CTDP1: variants seen among roughly 807,000 people sequenced by gnomAD.
The protein encoded by CTDP1 is CTD phosphatase 1.
CTDP1 carries 47 observed loss-of-function variants against 91.8 expected under a neutral mutation model. The ratio of observed to expected loss-of-function variants is 0.51; its 90% CI spans 0.41 to 0.65. The LOEUF is 0.65. Ranked by LOEUF, CTDP1 falls within the 30% of genes least tolerant of loss-of-function variation. The pLI is 0.00. For synonymous variants in CTDP1, 656 were observed against 598.5 expected (o/e 1.10, Z -1.40); for missense variants, 1,272 against 1,373.7 (o/e 0.93, Z 1.17).
chr18:79,748,836 C>CCTTT (rs1320762771), intron 12 of CTDP1, among the ~76,000 whole-genome samples: 1 of 151,766 alleles, frequency 6.6e-6, no homozygotes, highest in Non-Finnish European at 1.5e-5. Context: ...GGAGCCGTGA[C>CCTTT]TGCACATGAG....
chr18:79,693,494 CAG>C (rs1446125322), intron 1 of CTDP1, among the ~76,000 whole-genome samples: 1 of 152,146 alleles, frequency 6.6e-6, no homozygotes, highest in Non-Finnish European at 1.5e-5. Context: ...TGCTTGGAAA[CAG>C]AAGTGTTTTG....
At position 79,717,653 on chromosome 18, in the gene CTDP1, G is replaced by A. The variant is rs1420531995; in HGVS notation, c.2187G>A (p.Arg729=). ...DKVEEQLFPL[R]DDHTKAQREN... ...TGGAGGAGCAGCTCTTCCCGCTCAG[G>A]GACGATCACACCAAGGCACAGAGGT... Residue 729 remains arginine (R), a synonymous_variant, in exon 9 of 13, where the codon AGG becomes AGA. Coordinates refer to ENST00000613122, the MANE Select transcript of CTDP1 (RefSeq NM_004715.5). 3 of 1,614,022 alleles carry A rather than the reference G, an allele frequency of 1.9e-6. No homozygotes were observed. In the African/African-American group the frequency reaches 4.0e-5, roughly 22 times the overall value.
At position 79,713,254 on chromosome 18, in the gene CTDP1, T is replaced by A. The variant is rs2086120007; in HGVS notation, c.1030+116T>A. 1 of 1,085,284 alleles carries A rather than the reference T, an allele frequency of 9.2e-7. No homozygotes were observed. The highest frequency in any genetic ancestry group is 1.4e-6 in the Non-Finnish European group (1 of 733,954). 67.2% of individuals were successfully genotyped at this position (1,085,284 alleles called of 1,614,324 possible). A position where few individuals can be genotyped will look rare whatever the true frequency, so the allele number is the denominator to read the frequency against. On this transcript the variant is annotated intron_variant, in intron 7 of 12. Transcript: ENST00000613122. This position sits in a 1 kb window ranked among gnomAD's most constrained non-coding sequence, Gnocchi z 4.7. The stretch of plus-strand genomic sequence containing the variant: ...AAATTCAAGATACACTTTTTTTATT[T>A]GTGTTTCAGTAGAGATTATTGGATT...
At chr18:79,681,373 G>T in intron 1 of CTDP1, 1 of 811,038 alleles carries the variant, frequency 1.2e-6, no homozygotes, top group Non-Finnish European at 1.5e-6. Flanking sequence ...TCCTCAGTGG[G>T]CACTGGCCGT....
At chr18:79,712,479 C>A (rs1485200961) in intron 6 of CTDP1, among the ~76,000 whole-genome samples, 2 of 152,076 alleles carry the variant, frequency 1.3e-5, no homozygotes, top group African/African-American at 4.8e-5. Flanking sequence ...ACAGGGTCTT[C>A]CTATGTTGCC....
intron 6 of CTDP1, among the ~76,000 whole-genome samples, chr18:79,710,672 C>G (rs1195721805): frequency 6.7e-6 from 1 of 148,842 alleles, no homozygotes; most frequent in Non-Finnish European, 1.5e-5. Flanking sequence ...AGGCACCCAC[C>G]ACCTCGCCCG....
At chr18:79,689,404 G>T (rs1340114150) in intron 1 of CTDP1, among the ~76,000 whole-genome samples, 1 of 152,184 alleles carries the variant, frequency 6.6e-6, no homozygotes, top group African/African-American at 2.4e-5. Context: ...ATTCCTGCTT[G>T]AATCGCTTCA....
At chr18:79,744,883 G>A (rs2086848830) in intron 12 of CTDP1, among the ~76,000 whole-genome samples, 1 of 152,236 alleles carries the variant, frequency 6.6e-6, no homozygotes, top group Non-Finnish European at 1.5e-5. Context: ...AGACCCTGGA[G>A]GGTCTTGAGG....
chr18:79,723,853 C>T (rs1235286668), intron 10 of CTDP1, among the ~76,000 whole-genome samples: 1 of 152,220 alleles, frequency 6.6e-6, no homozygotes, highest in Admixed American at 6.5e-5. Flanking sequence ...GTGCTGTGTA[C>T]GGCAAGTCGG....
rs982053820 is a variant in CTDP1 at position 79,739,802 on chromosome 18, G to A, written c.2747+3281G>A. ...GGACGGGTGGGACTCTCATACCCAC[G>A]GCCGGGACGGGTGGGACTCTCATAC... On this transcript the variant is annotated intron_variant, in intron 12 of 12. Coordinates refer to ENST00000613122, the MANE Select transcript of CTDP1 (RefSeq NM_004715.5). 2.4e-4 allele frequency among the ~76,000 whole-genome samples: 36 copies of A among 149,896 alleles called. No homozygotes were observed. The East Asian group carries it at 4.6e-3, about 19-fold the overall frequency.
intron 3 of CTDP1, among the ~76,000 whole-genome samples, chr18:79,696,410 A>G (rs547954508): frequency 3.6e-4 from 55 of 152,236 alleles, no homozygotes; most frequent in Non-Finnish European, 7.4e-4. Flanking sequence ...GGGATGTGAC[A>G]GCTGCTCATG....
chr18:79,738,757 T>G (rs1269481365), intron 12 of CTDP1, among the ~76,000 whole-genome samples: 1 of 152,254 alleles, frequency 6.6e-6, no homozygotes, highest in Non-Finnish European at 1.5e-5. Context: ...TCACTTGATT[T>G]GCAGCTCTGT....
intron 10 of CTDP1, among the ~76,000 whole-genome samples, chr18:79,724,116 A>G (rs574896802): frequency 2.0e-5 from 3 of 152,178 alleles, no homozygotes; most frequent in African/African-American, 4.8e-5. Flanking sequence ...GAGCACGAAG[A>G]TTCGCACCTT....
intron 12 of CTDP1, among the ~76,000 whole-genome samples, chr18:79,745,121 A>G (rs1056563488): frequency 1.3e-5 from 2 of 152,196 alleles, no homozygotes; most frequent in Non-Finnish European, 2.9e-5. Flanking sequence ...TCCCCACGAC[A>G]TGTAAGTTCA....
At chr18:79,726,461 G>C (rs144403821) in intron 10 of CTDP1, among the ~76,000 whole-genome samples, 16 of 152,178 alleles carry the variant, frequency 1.1e-4, no homozygotes, top group Admixed American at 9.8e-4. Flanking sequence ...CTCTCAGCTT[G>C]GCCCTTGTTG....
intron 1 of CTDP1, among the ~76,000 whole-genome samples, chr18:79,693,223 G>T (rs1193796045): frequency 2.6e-5 from 4 of 152,082 alleles, no homozygotes. Context: ...GAGGGAGGAT[G>T]GTCCAGTGTG....
intron 10 of CTDP1, among the ~76,000 whole-genome samples, chr18:79,718,979 C>T (rs983623278): frequency 7.9e-5 from 12 of 152,028 alleles, no homozygotes; most frequent in African/African-American, 2.4e-4. Context: ...ACTGTCCCTG[C>T]GTGGGGATGC....
In CTDP1 at chr18:79,715,002, C is replaced by A; in HGVS notation, c.1542C>A (p.Pro514=). 6.3e-7 allele frequency: 1 copy of A among 1,586,736 alleles called. No homozygotes were observed. The highest frequency in any genetic ancestry group is 2.3e-5 in the East Asian group (1 of 43,870). ...GGCGGCCTGCAGCACCGAGTCTCCC[C>A]GGAGAGGCCGAGCCTGGCGCGCATG... ...EPGRPAAPSL[P]GEAEPGAHAP... is the part of the protein sequence containing the mutation. Residue 514 remains proline, a synonymous_variant, in exon 8 of 13, where the codon CCC becomes CCA. Transcript: ENST00000613122.
chr18:79,730,927 C>T (rs2086553146), intron 11 of CTDP1, among the ~76,000 whole-genome samples: 3 of 152,264 alleles, frequency 2.0e-5, no homozygotes, highest in Non-Finnish European at 2.9e-5. Flanking sequence ...GTTATTACAG[C>T]AGCCTCAGGA....
Sources: allele counts gnomAD v4.1 joint callset (sites outside exome capture counted in the v4.1 genomes callset), GRCh38; gene constraint gnomAD v4.1.1; non-coding constraint Gnocchi (gnomAD v3.1); transcripts MANE v1.5; gene names NCBI Gene and HGNC (gene_info 2026-07-23, HGNC 2026-07-21).